The following CCBE1 variants were observed in gnomAD, a reference collection of about 807,000 sequenced individuals.
CCBE1 encodes collagen and calcium-binding EGF domain-containing protein 1.
A neutral mutation model predicts 50.0 loss-of-function variants in CCBE1; 37 were observed. That is an observed-to-expected ratio of 0.74 (90% CI 0.57 to 0.97). The LOEUF (loss-of-function observed/expected upper bound fraction) is 0.97. Ranked by LOEUF, CCBE1 falls within the 50% of genes least tolerant of loss-of-function variation. The pLI is 0.00. For missense variants in CCBE1, 538 were observed against 523.8 expected, an observed-to-expected ratio of 1.03 and a Z score of -0.26; for synonymous variants, 234 against 203.7, an observed-to-expected ratio of 1.15 and a Z score of -1.27.
At chr18:59,590,911 T>TA (rs1365818353) in intron 2 of CCBE1, among the ~76,000 whole-genome samples, 3 of 152,156 alleles carry the variant, frequency 2.0e-5, no homozygotes, top group African/African-American at 7.2e-5. Context: ...ACAAAAGTGC[T>TA]AGAAGGAAAC....
intron 2 of CCBE1, among the ~76,000 whole-genome samples, chr18:59,483,512 G>T (rs1165600338): frequency 6.6e-6 from 1 of 152,184 alleles, no homozygotes; most frequent in Non-Finnish European, 1.5e-5. Context: ...AAATCAATTT[G>T]CTGCACTACA....
chr18:59,661,055 C>T (rs551243047), intron 2 of CCBE1, among the ~76,000 whole-genome samples: 12 of 152,018 alleles, frequency 7.9e-5, no homozygotes, highest in Admixed American at 3.9e-4. Flanking sequence ...CCTTGGCCAA[C>T]GCATTTTCCC....
intron 2 of CCBE1, among the ~76,000 whole-genome samples, chr18:59,626,016 T>G (rs1291312123): frequency 6.6e-6 from 1 of 152,198 alleles, no homozygotes; most frequent in Non-Finnish European, 1.5e-5. Context: ...TCAAGTATTT[T>G]GTTATAGCAG....
At chr18:59,548,278 A>G (rs568351119) in intron 2 of CCBE1, among the ~76,000 whole-genome samples, 1 of 152,228 alleles carries the variant, frequency 6.6e-6, no homozygotes, top group African/African-American at 2.4e-5. Flanking sequence ...GCAGGTGGGA[A>G]CATTTGTACT....
chr18:59,649,115 A>T (rs2054094128), intron 2 of CCBE1, among the ~76,000 whole-genome samples: 2 of 152,214 alleles, frequency 1.3e-5, no homozygotes, highest in Admixed American at 6.5e-5. Flanking sequence ...CTAACAGTGG[A>T]CAGAAAGCAT....
intron 2 of CCBE1, among the ~76,000 whole-genome samples, chr18:59,606,992 A>C (rs7230018): frequency 0.37 from 55,600 of 149,778 alleles, 10,639 homozygotes; most frequent in East Asian, 0.65. Flanking sequence ...ATCCCCAGTG[A>C]CCGGTGCAGG....
intron 5 of CCBE1, among the ~76,000 whole-genome samples, chr18:59,456,552 G>C (rs558554447): frequency 6.6e-6 from 1 of 152,192 alleles, no homozygotes; most frequent in Admixed American, 6.5e-5. Flanking sequence ...GCACGGAATG[G>C]ATTGTCCTGC....
intron 2 of CCBE1, among the ~76,000 whole-genome samples, chr18:59,487,849 T>C (rs937153697): frequency 6.6e-6 from 1 of 152,202 alleles, no homozygotes; most frequent in African/African-American, 2.4e-5. Context: ...AATGGATATG[T>C]AGTCAAGAGA....
At chr18:59,561,005 G>T (rs73961244) in intron 2 of CCBE1, among the ~76,000 whole-genome samples, 1 of 152,172 alleles carries the variant, frequency 6.6e-6, no homozygotes, top group Admixed American at 6.5e-5. Context: ...TAGGAAGAGC[G>T]TCCCCCCATT....
intron 3 of CCBE1, among the ~76,000 whole-genome samples, chr18:59,476,064 C>T (rs1912291073): frequency 6.6e-6 from 1 of 152,116 alleles, no homozygotes; most frequent in Non-Finnish European, 1.5e-5. Context: ...GGCCCTATTC[C>T]AGGAAGTATG....
intron 2 of CCBE1, among the ~76,000 whole-genome samples, chr18:59,614,818 T>C (rs933695034): frequency 6.6e-6 from 1 of 152,266 alleles, no homozygotes; most frequent in African/African-American, 2.4e-5. Flanking sequence ...TGGGGTGACA[T>C]GACCCAACCT....
intron 2 of CCBE1, among the ~76,000 whole-genome samples, chr18:59,557,798 C>T (rs908110316): frequency 2.0e-5 from 3 of 152,118 alleles, no homozygotes; most frequent in Admixed American, 2.0e-4. Flanking sequence ...TAAATCTATG[C>T]TTTCGCTGCT....
At chr18:59,470,032 G>A (rs369394029) in intron 3 of CCBE1, among the ~76,000 whole-genome samples, 32 of 152,194 alleles carry the variant, frequency 2.1e-4, no homozygotes, top group African/African-American at 7.2e-4. Context: ...TCATGTGGGA[G>A]GAAGGGCTGG....
At chr18:59,562,682 A>G (rs778633415) in intron 2 of CCBE1, among the ~76,000 whole-genome samples, 1 of 152,132 alleles carries the variant, frequency 6.6e-6, no homozygotes, top group Non-Finnish European at 1.5e-5. Context: ...GGCCCATCCT[A>G]GTTCTGGCTG....
Position 59,697,265 on chromosome 18 carries a change from G to A in CCBE1, c.78C>T (p.Leu26=), listed in dbSNP as rs1324891671. The change falls in exon 1 of 11, where the codon CTC becomes CTT. Residue 26 remains leucine (L), a synonymous_variant. Transcript: ENST00000439986. The part of the protein sequence containing the change: ...LGRSLGPLLL[L]LALGHTWTYR... ...AGGTCCACGTGTGTCCCAACGCCAG[G>A]AGCAGCAGCAGCGGACCCAGGCTCC... 6 of 1,549,196 alleles carry A rather than the reference G, an allele frequency of 3.9e-6. No homozygotes were observed. The highest frequency in any genetic ancestry group is 2.7e-5 in the African/African-American group (2 of 73,008).
intron 2 of CCBE1, among the ~76,000 whole-genome samples, chr18:59,638,590 T>C (rs1219497439): frequency 6.6e-6 from 1 of 152,192 alleles, no homozygotes; most frequent in African/African-American, 2.4e-5. Context: ...ACCATTCAGA[T>C]TTCAAGTAGA....
rs748047076 is a variant in CCBE1, at chr18:59,583,676, TGTGTGCGCGC to T, written c.213-103448_213-103439del. ...TTGCGTGTGTGTGTGTGTGTGTGTG[TGTGTGCGCGC>T]GCGCGCGCGCGCGCGTGTGTGTGTA... is the stretch of plus-strand genomic sequence containing the variant. On this transcript the variant is annotated intron_variant, in intron 2 of 10. Transcript: ENST00000439986. 6.9e-3 allele frequency among the ~76,000 whole-genome samples: 476 copies of T among 68,894 alleles called. 4 individuals are homozygous for T. Among genetic ancestry groups the T allele is most frequent in the East Asian group, 0.02 (58 of 2,854 alleles). The allele number at this position is 68,894 out of a possible 152,430, so 45.2% of individuals were successfully genotyped here. A position where few individuals can be genotyped will look rare whatever the true frequency, so the allele number is the denominator to read the frequency against.
intron 2 of CCBE1, among the ~76,000 whole-genome samples, chr18:59,647,183 A>T (rs560203858): frequency 6.6e-6 from 1 of 152,334 alleles, no homozygotes; most frequent in South Asian, 2.1e-4. Flanking sequence ...AAATACCCAC[A>T]TTAAGTAAAA....
At chr18:59,499,945 T>G (rs1254674015) in intron 2 of CCBE1, among the ~76,000 whole-genome samples, 1 of 152,146 alleles carries the variant, frequency 6.6e-6, no homozygotes, top group African/African-American at 2.4e-5. Context: ...TCCTAGGGAT[T>G]GGAGTTCAGG....
Sources: allele counts gnomAD v4.1 joint callset (sites outside exome capture counted in the v4.1 genomes callset), GRCh38; gene constraint gnomAD v4.1.1; transcripts MANE v1.5; gene names NCBI Gene and HGNC (gene_info 2026-07-23, HGNC 2026-07-21).